ETFA: variants seen among roughly 807,000 people sequenced by gnomAD.
The protein encoded by ETFA is electron transfer flavoprotein subunit alpha, mitochondrial.
ETFA carries 22 observed loss-of-function variants against 46.2 expected under a neutral mutation model. The observed-to-expected ratio is 0.48, with a 90% CI of 0.34 to 0.68. The LOEUF (loss-of-function observed/expected upper bound fraction) is 0.68. Among genes scored for constraint, ETFA ranks in the 30% least tolerant of loss-of-function variants. ETFA has a pLI of 0.01. For missense variants in ETFA, 345 were observed against 401.1 expected (o/e 0.86, Z 1.19); for synonymous variants, 131 against 139.9 (o/e 0.94, Z 0.45).
At chr15:76,274,622 C>T in intron 8 of ETFA, 128 bp from the exon 9 acceptor site, 1 of 789,680 alleles carries the variant, frequency 1.3e-6, no homozygotes. Flanking sequence ...ATACAGAAAG[C>T]TTCAAGGAAT....
chr15:76,267,886 T>C (rs1211414697), intron 9 of ETFA, among the ~76,000 whole-genome samples: 1 of 152,248 alleles, frequency 6.6e-6, no homozygotes, highest in Admixed American at 6.5e-5. Flanking sequence ...ACGATTTGCT[T>C]GTGTCTCTCC....
chr15:76,266,984 G>A (rs1477465483), intron 9 of ETFA, among the ~76,000 whole-genome samples: 1 of 151,972 alleles, frequency 6.6e-6, no homozygotes, highest in Non-Finnish European at 1.5e-5. Context: ...ACATTAATTG[G>A]ATTCATCCAA....
At chr15:76,286,737 C>T (rs548667020) in intron 5 of ETFA, among the ~76,000 whole-genome samples, 2 of 152,268 alleles carry the variant, frequency 1.3e-5, no homozygotes, top group East Asian at 1.9e-4. Context: ...GAACAGGCAT[C>T]CACACTAAGA....
intron 9 of ETFA, among the ~76,000 whole-genome samples, chr15:76,267,741 A>G (rs1055575869): frequency 2.0e-5 from 3 of 152,258 alleles, no homozygotes; most frequent in African/African-American, 7.2e-5. Context: ...TTTTAAATTT[A>G]TAAAAAGATC....
chr15:76,259,065 T>C lies in ETFA; in HGVS notation c.816+15347A>G. On this transcript the variant is annotated intron_variant, in intron 9 of 11. Coordinates refer to ENST00000557943, the MANE Select transcript of ETFA (RefSeq NM_000126.4). ...CTCATTGAGGGGACTCTCTGGCTGG[T>C]GCTCTGCCTGCCCTGGCTGCTCAGC... is the stretch of plus-strand genomic sequence containing the variant. 3.1e-6 allele frequency: 5 copies of C among 1,592,518 alleles called. No individual in the cohort carries two copies. The East Asian group carries it at 6.7e-5, about 21-fold the overall frequency.
At chr15:76,248,077 A>G (rs1290602565) in intron 9 of ETFA, among the ~76,000 whole-genome samples, 1 of 152,238 alleles carries the variant, frequency 6.6e-6, no homozygotes, top group East Asian at 1.9e-4. Context: ...CTAAAACTGT[A>G]AAGTAACGCA....
intron 8 of ETFA, among the ~76,000 whole-genome samples, chr15:76,275,314 G>GT (rs1351525852): frequency 3.9e-5 from 6 of 152,144 alleles, no homozygotes; most frequent in Non-Finnish European, 7.3e-5. Context: ...TTATTAAAAT[G>GT]TAAGTTTTAG....
chr15:76,290,810 T>C (rs1255355996), intron 4 of ETFA, among the ~76,000 whole-genome samples: 3 of 150,996 alleles, frequency 2.0e-5, no homozygotes, highest in African/African-American at 7.3e-5. Context: ...GAGGGGAGGG[T>C]GAGTTGGGAA....
At chr15:76,307,865 C>T (rs954612183) in intron 1 of ETFA, among the ~76,000 whole-genome samples, 3 of 152,066 alleles carry the variant, frequency 2.0e-5, no homozygotes, top group African/African-American at 7.2e-5. Context: ...ACTGTAATTC[C>T]TAACTTTATT....
At chr15:76,256,934 G>C (rs2039351402) in intron 9 of ETFA, among the ~76,000 whole-genome samples, 1 of 152,132 alleles carries the variant, frequency 6.6e-6, no homozygotes. Flanking sequence ...ATATAGCCTA[G>C]GTGTTTAGTA....
intron 9 of ETFA, chr15:76,260,814 ACC>A: frequency 6.2e-7 from 1 of 1,607,544 alleles, no homozygotes; most frequent in Non-Finnish European, 8.5e-7. Flanking sequence ...GGCACAGCAC[ACC>A]CTGAGGCTGT....
intron 4 of ETFA, 133 bp downstream of exon 4, chr15:76,292,298 T>G: frequency 2.8e-6 from 2 of 722,420 alleles, no homozygotes; most frequent in Non-Finnish European, 2.5e-6. Context: ...AAGAATAAAT[T>G]TTAGCAAAAC....
chr15:76,228,176 A>T (rs112324754), intron 10 of ETFA: 6,170 of 360,560 alleles, frequency 0.017, 76 homozygotes, highest in South Asian at 0.028. Flanking sequence ...ATTATACTAT[A>T]TAACAATTGT....
rs915392115 is a variant in ETFA at position 76,311,406 on chromosome 15, C to A, written c.-18G>T. 12 of 1,555,716 alleles carry A rather than the reference C, an allele frequency of 7.7e-6. No individual in the cohort carries two copies. The African/African-American group carries it at 1.5e-4, about 19-fold the overall frequency. On this transcript the variant is annotated 5_prime_UTR_variant, in exon 1 of 12. Coordinates refer to ENST00000557943, the MANE Select transcript of ETFA (RefSeq NM_000126.4). ...CGGAACATGGTCTCCGCTTCCGCCG[C>A]AACCTCGGCCTTACAGCAGCCCCGT...
At chr15:76,297,176 T>C (rs2039833528) in intron 1 of ETFA, among the ~76,000 whole-genome samples, 1 of 152,100 alleles carries the variant, frequency 6.6e-6, no homozygotes, top group African/African-American at 2.4e-5. Context: ...TGAAGGGAAG[T>C]CAGGACAGTT....
At chr15:76,223,684 G>A (rs554418451) in intron 11 of ETFA, among the ~76,000 whole-genome samples, 1 of 152,356 alleles carries the variant, frequency 6.6e-6, no homozygotes, top group Non-Finnish European at 1.5e-5. Context: ...CTGGAAGTCA[G>A]CTGACTAGAT....
intron 4 of ETFA, among the ~76,000 whole-genome samples, chr15:76,291,424 G>A (rs1359435883): frequency 3.0e-5 from 4 of 134,846 alleles, no homozygotes; most frequent in Non-Finnish European, 6.2e-5. Context: ...CAGCCTGGGC[G>A]AGGAAAGTAA....
intron 11 of ETFA, among the ~76,000 whole-genome samples, chr15:76,223,556 GTCATTGCCTTAAC>G (rs1172221319): frequency 5.3e-5 from 8 of 152,180 alleles, no homozygotes; most frequent in Admixed American, 5.2e-4. Context: ...GTAGGAGATA[GTCATTGCCTTAAC>G]ACAATTCTAG....
intron 8 of ETFA, among the ~76,000 whole-genome samples, chr15:76,275,672 T>A (rs2039583951): frequency 6.6e-6 from 1 of 152,242 alleles, no homozygotes; most frequent in Non-Finnish European, 1.5e-5. Context: ...CTTGTTCTTT[T>A]TTCCTATTTT....
Sources: allele counts gnomAD v4.1 joint callset (sites outside exome capture counted in the v4.1 genomes callset), GRCh38; gene constraint gnomAD v4.1.1; transcripts MANE v1.5; gene names NCBI Gene and HGNC (gene_info 2026-07-23, HGNC 2026-07-21).